The following EXOC5 variants were observed in gnomAD, a reference collection of about 807,000 sequenced individuals.
The protein encoded by EXOC5 is exocyst complex component 5.
Under a neutral mutation model 90.8 loss-of-function variants are expected in EXOC5, and 17 were observed. That is an observed-to-expected ratio of 0.19 (90% CI 0.13 to 0.28). EXOC5 has a LOEUF of 0.28. Among genes scored for constraint, EXOC5 ranks in the 10% least tolerant of loss-of-function variants. The pLI is 1.00. For synonymous variants in EXOC5, 260 were observed against 270.0 expected (o/e 0.96, Z 0.36); for missense variants, 569 against 830.6 (o/e 0.69, Z 3.87).
At chr14:57,219,273 G>C (rs1883057531) in intron 14 of EXOC5, 49 bp downstream of exon 14, 1 of 1,137,860 alleles carries the variant, frequency 8.8e-7, no homozygotes, top group East Asian at 2.9e-5. Context: ...TATGTAGAAT[G>C]CTATAATAGT....
intron 12 of EXOC5, among the ~76,000 whole-genome samples, chr14:57,224,352 A>G (rs1883240712): frequency 6.6e-6 from 1 of 152,192 alleles, no homozygotes; most frequent in African/African-American, 2.4e-5. Flanking sequence ...TGATCAGAAA[A>G]AAAAATAACA....
Position 57,208,440 on chromosome 14 carries a change from A to G in EXOC5, c.*169T>C. On this transcript the variant is annotated 3_prime_UTR_variant, in exon 18 of 18. Coordinates refer to ENST00000621441, the MANE Select transcript of EXOC5 (RefSeq NM_006544.4). ...ATAGCTAGTGGTATCCAAACTTTAA[A>G]TAAAACCTCAAAGGTAAGTATGGCT... 2.2e-6 allele frequency: 1 copy of G among 460,464 alleles called. No individual in the cohort carries two copies. Among genetic ancestry groups the G allele is most frequent in the Non-Finnish European group, 3.8e-6 (1 of 261,316 alleles). The allele number at this position is 460,464 out of a possible 1,614,324, so 28.5% of individuals were successfully genotyped here.
At chr14:57,238,088 A>G (rs1283773272) in intron 5 of EXOC5, among the ~76,000 whole-genome samples, 2 of 151,864 alleles carry the variant, frequency 1.3e-5, no homozygotes, top group Admixed American at 6.6e-5. Flanking sequence ...CAAATGAAGA[A>G]GGAAACAAAA....
intron 1 of EXOC5, 54 bp downstream of exon 1, chr14:57,268,568 C>CA: frequency 6.4e-7 from 1 of 1,560,702 alleles, no homozygotes; most frequent in Non-Finnish European, 8.6e-7. Context: ...CCCGCCCACC[C>CA]AGCTGCCTGC....
rs552112676 is a variant in EXOC5 at position 57,231,529 on chromosome 14, T to C, written c.1125A>G (p.Gln375=). The C allele has an allele frequency of 5.0e-6, 8 of 1,611,100 alleles. 1 individual carries two copies. In the African/African-American group the frequency reaches 5.3e-5, roughly 11 times the overall value. The part of the protein sequence containing the change: ...LQRYYDSKNH[Q]KRSIGTGGIQ... ...ACCCTCCTGTGCCAATGGATCTCTT[T>C]TGATGGTTTTTCGAATCATAATAGC... The change falls in exon 11 of 18, where the codon CAA becomes CAG. Residue 375 remains glutamine, a synonymous_variant. Transcript: ENST00000621441.
chr14:57,238,742 T>C (rs1244784656), intron 5 of EXOC5, among the ~76,000 whole-genome samples: 2 of 152,070 alleles, frequency 1.3e-5, no homozygotes, highest in African/African-American at 4.8e-5. Context: ...GGGAATTCAT[T>C]ACATGTTTGG....
chr14:57,265,249 A>G (rs1167568038), intron 1 of EXOC5, among the ~76,000 whole-genome samples: 1 of 152,006 alleles, frequency 6.6e-6, no homozygotes, highest in African/African-American at 2.4e-5. Flanking sequence ...GGTACTCAAC[A>G]AATATCTGTA....
In EXOC5 at chr14:57,233,750, T is replaced by G; in HGVS notation, c.848A>C (p.Lys283Thr). 1 of 1,555,880 alleles carries G rather than the reference T, an allele frequency of 6.4e-7. No individual in the cohort carries two copies. The highest frequency in any genetic ancestry group is 8.8e-7 in the Non-Finnish European group (1 of 1,131,412). The change falls in exon 9 of 18, where the codon AAA becomes ACA. Residue 283 changes from lysine to threonine, a missense_variant. Around this residue, in one of 9 missense-constraint regions of EXOC5, gnomAD observed 114 missense variants for 111.2 expected, o/e 1.03. Coordinates refer to ENST00000621441, the MANE Select transcript of EXOC5 (RefSeq NM_006544.4). ...GTTACTATTTAAAATTACCTGTAGT[T>G]TGATTTCAAATACATTTTGAATAAG... ...AKLIQNVFEI[K>T]LQSFVKEQLE...
intron 12 of EXOC5, among the ~76,000 whole-genome samples, chr14:57,228,845 T>TA (rs1371836107): frequency 2.9e-4 from 42 of 142,576 alleles, no homozygotes; most frequent in Admixed American, 4.3e-4. Context: ...TCCCAGAACT[T>TA]AAAGTATAAA....
At position 57,202,466 on chromosome 14, in the gene EXOC5, T is replaced by C; in HGVS notation, c.*6143A>G. ...AGTATTGGAGGGTGGTGCAGCATCATGACAGCGACTTATTCTCAAAAGGGA... is the reference window on the plus strand; with the variant it reads ...AGTATTGGAGGGTGGTGCAGCATCACGACAGCGACTTATTCTCAAAAGGGA... On this transcript the variant is annotated 3_prime_UTR_variant, in exon 18 of 18. Coordinates refer to ENST00000621441, the MANE Select transcript of EXOC5 (RefSeq NM_006544.4). 1 of 152,218 alleles carries C rather than the reference T, an allele frequency of 6.6e-6. No homozygotes were observed. Among genetic ancestry groups the C allele is most frequent in the African/African-American group, 2.4e-5 (1 of 41,464 alleles). The allele number at this position is 152,218 out of a possible 1,614,324, so 9.4% of individuals were successfully genotyped here. A position where few individuals can be genotyped will look rare whatever the true frequency, so the allele number is the denominator to read the frequency against.
At chr14:57,247,763 A>C in intron 1 of EXOC5, 51 bp from the exon 2 acceptor site, 1 of 874,126 alleles carries the variant, frequency 1.1e-6, no homozygotes, top group Non-Finnish European at 1.7e-6. Flanking sequence ...CAAGTACTTA[A>C]TATTACTTAT....
intron 5 of EXOC5, among the ~76,000 whole-genome samples, chr14:57,238,610 T>C (rs1297359385): frequency 1.3e-5 from 2 of 151,692 alleles, no homozygotes; most frequent in Non-Finnish European, 2.9e-5. Flanking sequence ...TTAAAAAGTA[T>C]TACAGTAAGT....
intron 13 of EXOC5, 59 bp downstream of exon 13, chr14:57,222,249 A>G (rs1266988011): frequency 6.2e-6 from 5 of 806,314 alleles, no homozygotes; most frequent in Non-Finnish European, 1.0e-5. Context: ...CATTATGCAT[A>G]TAGTTTAACC....
At position 57,268,024 on chromosome 14, in the gene EXOC5, A is replaced by C. The variant is rs142602421; in HGVS notation, c.27+598T>G. Reference sequence around the variant, plus strand: ...CTTGAATTTTGCCTCCCTTCAGTCTATCTCTCTTCAGTCGAAAGAGATAAG... The same window carrying C: ...CTTGAATTTTGCCTCCCTTCAGTCTCTCTCTCTTCAGTCGAAAGAGATAAG... On this transcript the variant is annotated intron_variant, in intron 1 of 17. Transcript: ENST00000621441. 4.1e-4 allele frequency among the ~76,000 whole-genome samples: 63 copies of C among 152,128 alleles called. 1 individual carries two copies. The highest frequency in any genetic ancestry group is 2.7e-3 in the Admixed American group (41 of 15,290).
chr14:57,240,187 A>AT (rs1447810990), intron 4 of EXOC5, among the ~76,000 whole-genome samples: 1 of 150,936 alleles, frequency 6.6e-6, no homozygotes, highest in African/African-American at 2.5e-5. Context: ...TAATATAGAA[A>AT]TGTGTATATT....
At chr14:57,215,231 CAA>C (rs879718496) in intron 15 of EXOC5, among the ~76,000 whole-genome samples, 2 of 132,454 alleles carry the variant, frequency 1.5e-5, no homozygotes, top group Non-Finnish European at 1.6e-5. Flanking sequence ...GACTCCGTCT[CAA>C]AAAAAAAAAA....
Position 57,207,312 on chromosome 14 carries a change from T to C in EXOC5, c.*1297A>G, listed in dbSNP as rs768830698. The C allele has an allele frequency of 3.9e-5, 6 of 152,466 alleles. No individual in the cohort carries two copies. The highest frequency in any genetic ancestry group is 9.7e-5 in the African/African-American group (4 of 41,428). The allele number at this position is 152,466 out of a possible 1,614,324, so 9.4% of individuals were successfully genotyped here. A position where few individuals can be genotyped will look rare whatever the true frequency, so the allele number is the denominator to read the frequency against. ...TTAAAGAAAAAATGCCAAGAGTGAATTGAATACTTAAGTTTATCTGTTCCT... is the reference window on the plus strand; with the variant it reads ...TTAAAGAAAAAATGCCAAGAGTGAACTGAATACTTAAGTTTATCTGTTCCT... On this transcript the variant is annotated 3_prime_UTR_variant, in exon 18 of 18. Coordinates refer to ENST00000621441, the MANE Select transcript of EXOC5 (RefSeq NM_006544.4).
At chr14:57,264,297 T>A (rs568651049) in intron 1 of EXOC5, among the ~76,000 whole-genome samples, 1 of 152,350 alleles carries the variant, frequency 6.6e-6, no homozygotes, top group East Asian at 1.9e-4. Context: ...AGTATATACC[T>A]GGCTAGCTAA....
At chr14:57,215,241 AAAG>A (rs1425251349) in intron 15 of EXOC5, among the ~76,000 whole-genome samples, 14 of 152,246 alleles carry the variant, frequency 9.2e-5, no homozygotes, top group East Asian at 3.9e-4. Flanking sequence ...CAAAAAAAAA[AAAG>A]AAGAAGAAGA....
Sources: allele counts gnomAD v4.1 joint callset (sites outside exome capture counted in the v4.1 genomes callset), GRCh38; gene constraint gnomAD v4.1.1; regional missense constraint gnomAD v4.1.1; transcripts MANE v1.5; gene names NCBI Gene and HGNC (gene_info 2026-07-23, HGNC 2026-07-21).